DYNC1I2: variants seen among roughly 807,000 people sequenced by gnomAD.
The protein encoded by DYNC1I2 is cytoplasmic dynein 1 intermediate chain 2.
A neutral mutation model predicts 88.6 loss-of-function variants in DYNC1I2; 53 were observed. The observed-to-expected ratio is 0.60, with a 90% CI of 0.48 to 0.75. DYNC1I2 has a LOEUF of 0.75. Ranked by LOEUF, DYNC1I2 falls within the 30% of genes least tolerant of loss-of-function variation. The probability of loss-of-function intolerance (pLI) is 0.00; values close to 1 mark genes in which losing one functional copy is unlikely to be tolerated. For synonymous variants in DYNC1I2, 198 were observed against 254.6 expected, an observed-to-expected ratio of 0.78 and a Z score of 2.12; for missense variants, 458 against 766.6, an observed-to-expected ratio of 0.60 and a Z score of 4.75.
chr2:171,745,671 G>A, intron 16 of DYNC1I2, 131 bp from the exon 17 acceptor site: 1 of 953,166 alleles, frequency 1.0e-6, no homozygotes. Flanking sequence ...AAGAAAGTTG[G>A]GGAAATTCTT....
intron 3 of DYNC1I2, among the ~76,000 whole-genome samples, chr2:171,703,554 T>A (rs1686438852): frequency 6.6e-6 from 1 of 152,152 alleles, no homozygotes; most frequent in Non-Finnish European, 1.5e-5. Flanking sequence ...CTTATTAATT[T>A]CTTTTTTTTA....
At chr2:171,697,149 C>T (rs1276151425) in intron 3 of DYNC1I2, among the ~76,000 whole-genome samples, 1 of 151,976 alleles carries the variant, frequency 6.6e-6, no homozygotes, top group Non-Finnish European at 1.5e-5. Context: ...CATAGGTGCA[C>T]ACCACCATGC....
At position 171,725,727 on chromosome 2, in the gene DYNC1I2, T is replaced by A. The variant is rs1340350100; in HGVS notation, c.607+14T>A. ...ATGATAGTAAAGGTATCTTAAGGAA[T>A]TAAACTTTAAAACATTTTGTTGATT... On this transcript the variant is annotated intron_variant, in intron 8 of 17. Coordinates refer to ENST00000397119, the MANE Select transcript of DYNC1I2 (RefSeq NM_001378.3). 1 of 1,501,028 alleles carries A rather than the reference T, an allele frequency of 6.7e-7. No individual in the cohort carries two copies. Among genetic ancestry groups the A allele is most frequent in the Admixed American group, 2.3e-5 (1 of 44,150 alleles). The allele number at this position is 1,501,028 out of a possible 1,614,324, so 93.0% of individuals were successfully genotyped here.
chr2:171,726,390 A>AATAT, intron 10 of DYNC1I2, 97 bp downstream of exon 10: 1 of 809,620 alleles, frequency 1.2e-6, no homozygotes, highest in Non-Finnish European at 1.9e-6. Context: ...ATAATAAATC[A>AATAT]ATATGTGTTA....
intron 15 of DYNC1I2, among the ~76,000 whole-genome samples, chr2:171,741,802 C>T (rs1248864574): frequency 6.6e-6 from 1 of 152,064 alleles, no homozygotes; most frequent in Non-Finnish European, 1.5e-5. Flanking sequence ...ATAGTTTTGG[C>T]CAGGCACGGT....
rs573883832 is a variant in DYNC1I2 at position 171,743,191 on chromosome 2, G to A, written c.1537-858G>A. Among the ~76,000 whole-genome samples the A allele has an allele frequency of 2.6e-5, 4 of 152,230 alleles. No homozygotes were observed. In the South Asian group the frequency reaches 8.3e-4, roughly 32 times the overall value. On this transcript the variant is annotated intron_variant, in intron 15 of 17. Transcript: ENST00000397119. Reference sequence around the variant, plus strand: ...CAAGCTAAAGAAATGAAGATGTTAAGAAAATCATAAAGAAGAGAAAATATA... The same window carrying A: ...CAAGCTAAAGAAATGAAGATGTTAAAAAAATCATAAAGAAGAGAAAATATA...
At chr2:171,695,811 C>A (rs1331852614) in intron 3 of DYNC1I2, among the ~76,000 whole-genome samples, 4 of 148,482 alleles carry the variant, frequency 2.7e-5, no homozygotes, top group Non-Finnish European at 6.0e-5. Flanking sequence ...AGTTTACCCG[C>A]CCGCTACCAG....
intron 15 of DYNC1I2, among the ~76,000 whole-genome samples, chr2:171,741,303 G>A (rs922730805): frequency 6.6e-6 from 1 of 152,184 alleles, no homozygotes. Flanking sequence ...ATACCTAGGA[G>A]TGGGATTGTT....
intron 7 of DYNC1I2, among the ~76,000 whole-genome samples, chr2:171,719,981 C>T (rs775142203): frequency 4.7e-5 from 7 of 150,526 alleles, no homozygotes; most frequent in Non-Finnish European, 1.0e-4. Flanking sequence ...AAAGTTTTAA[C>T]TCTTTTGAAA....
chr2:171,738,906 T>C (rs917584894), intron 15 of DYNC1I2, among the ~76,000 whole-genome samples: 1 of 152,082 alleles, frequency 6.6e-6, no homozygotes, highest in Non-Finnish European at 1.5e-5. Context: ...CCCAGCACTT[T>C]GGGAGGCCAA....
rs760177492 is a variant in DYNC1I2, at chr2:171,725,723, G to A, written c.607+10G>A. 20 of 1,509,172 alleles carry A rather than the reference G, an allele frequency of 1.3e-5. No individual in the cohort carries two copies. The Admixed American group carries it at 1.4e-4, about 10-fold the overall frequency. 93.5% of individuals were successfully genotyped at this position (1,509,172 alleles called of 1,614,324 possible). On this transcript the variant is annotated intron_variant, in intron 8 of 17. Coordinates refer to ENST00000397119, the MANE Select transcript of DYNC1I2 (RefSeq NM_001378.3). ...GAAAATGATAGTAAAGGTATCTTAA[G>A]GAATTAAACTTTAAAACATTTTGTT...
intron 5 of DYNC1I2, among the ~76,000 whole-genome samples, chr2:171,709,546 T>C (rs951083272): frequency 9.2e-5 from 14 of 152,210 alleles, no homozygotes; most frequent in African/African-American, 3.4e-4. Context: ...CTAAGGGTAG[T>C]GTGCTATGTT....
At chr2:171,707,466 G>C (rs1686770941) in intron 5 of DYNC1I2, 89 bp downstream of exon 5, 6 of 1,145,854 alleles carry the variant, frequency 5.2e-6, no homozygotes, top group African/African-American at 1.6e-5. Context: ...CTAAATAGTT[G>C]TGTCGAGTTA....
intron 15 of DYNC1I2, among the ~76,000 whole-genome samples, chr2:171,739,696 C>CTCTCTCTCTCTCTTTTTTTTTTTTTTT (rs1689267774): frequency 1.5e-5 from 1 of 65,090 alleles, no homozygotes; most frequent in African/African-American, 5.7e-5. Flanking sequence ...TGACATATCT[C>CTCTCTCTCTCTCTTTTTTTTTTTTTTT]TTTTTTTTTT....
In DYNC1I2 at chr2:171,692,803, T is replaced by A; in HGVS notation, c.135T>A (p.Ala45=). Residue 45 remains alanine (A), a synonymous_variant, in exon 3 of 18, where the codon GCT becomes GCA. Coordinates refer to ENST00000397119, the MANE Select transcript of DYNC1I2 (RefSeq NM_001378.3). ...CAGACCAGAAGAAGGAAGCTGTTGC[T>A]CCTGTGCAAGAAGAATCAGATCTTG... ...KETDQKKEAV[A]PVQEESDLEK... The A allele has an allele frequency of 6.2e-7, 1 of 1,607,844 alleles. No individual in the cohort carries two copies. Among genetic ancestry groups the A allele is most frequent in the Non-Finnish European group, 8.5e-7 (1 of 1,177,312 alleles).
intron 3 of DYNC1I2, among the ~76,000 whole-genome samples, chr2:171,695,564 A>G (rs1020614953): frequency 2.6e-5 from 4 of 152,174 alleles, no homozygotes; most frequent in Non-Finnish European, 5.9e-5. Flanking sequence ...TCTAATATAT[A>G]ATATCCTATT....
intron 2 of DYNC1I2, among the ~76,000 whole-genome samples, chr2:171,691,009 A>C (rs1685368139): frequency 6.6e-6 from 1 of 152,150 alleles, no homozygotes; most frequent in African/African-American, 2.4e-5. Context: ...ATCATAACTT[A>C]GTTTGGACTT....
intron 17 of DYNC1I2, among the ~76,000 whole-genome samples, chr2:171,746,484 CT>C (rs1030352756): frequency 3.3e-5 from 5 of 152,256 alleles, no homozygotes; most frequent in African/African-American, 1.2e-4. Context: ...TTTTTTAACC[CT>C]GGCTAGGGGT....
At chr2:171,722,852 A>G (rs1360196152) in intron 7 of DYNC1I2, among the ~76,000 whole-genome samples, 2 of 152,140 alleles carry the variant, frequency 1.3e-5, no homozygotes, top group African/African-American at 4.8e-5. Context: ...TTAAGTACCA[A>G]TGATAGTTTT....
Sources: allele counts gnomAD v4.1 joint callset (sites outside exome capture counted in the v4.1 genomes callset), GRCh38; gene constraint gnomAD v4.1.1; transcripts MANE v1.5; gene names NCBI Gene and HGNC (gene_info 2026-07-23, HGNC 2026-07-21).